Variants in TARDBP observed in about 807,000 individuals in gnomAD.
TARDBP encodes TAR DNA binding protein.
Under a neutral mutation model 38.3 loss-of-function variants are expected in TARDBP, and 4 were observed. That is an observed-to-expected ratio of 0.10 (90% CI 0.05 to 0.24). The LOEUF is 0.24. TARDBP is among the 10% of genes least tolerant of loss of function. The pLI is 1.00. For missense variants in TARDBP, 202 were observed against 521.9 expected (o/e 0.39, Z 5.97); for synonymous variants, 184 against 183.8 (o/e 1.00, Z -0.01).
At chr1:11,013,383 C>G (rs899188262) in intron 1 of TARDBP, among the ~76,000 whole-genome samples, 1 of 152,210 alleles carries the variant, frequency 6.6e-6, no homozygotes, top group Non-Finnish European at 1.5e-5. Flanking sequence ...ACCCGATTGT[C>G]ATAAAATAGC....
downstream of TARDBP, chr1:11,025,565 C>A: frequency 6.6e-6 from 1 of 150,982 alleles, no homozygotes; most frequent in African/African-American, 2.5e-5. Flanking sequence ...TGGAAAGTTA[C>A]CTTTAAAAAT....
chr1:11,027,342 A>G, downstream of TARDBP: 1 of 1,614,106 alleles, frequency 6.2e-7, no homozygotes. Flanking sequence ...CAATTTAATC[A>G]GTGCTATGTC....
At chr1:11,026,959 C>A, downstream of TARDBP, 2 of 1,549,284 alleles carry the variant, frequency 1.3e-6, no homozygotes, top group Non-Finnish European at 1.7e-6. Flanking sequence ...TACTGACCTG[C>A]TTCCCCACAA....
At chr1:11,021,623 G>C (rs1643640808) in intron 5 of TARDBP, among the ~76,000 whole-genome samples, 1 of 152,102 alleles carries the variant, frequency 6.6e-6, no homozygotes, top group Non-Finnish European at 1.5e-5. Context: ...GTCTCACTCT[G>C]TTGCCCAGGC....
intron 2 of TARDBP, 134 bp from the exon 3 acceptor site, chr1:11,016,710 C>T: frequency 1.1e-6 from 1 of 920,872 alleles, no homozygotes; most frequent in Admixed American, 2.5e-5. Flanking sequence ...GCAAACATCA[C>T]TTCTTGCCAA....
chr1:11,018,377 C>A (rs932181058), intron 3 of TARDBP: 3 of 301,586 alleles, frequency 9.9e-6, no homozygotes, highest in African/African-American at 6.5e-5. Context: ...TTTGTAGAGA[C>A]AGGGTTTTGC....
At chr1:11,021,282 G>A (rs149122823) in intron 5 of TARDBP, among the ~76,000 whole-genome samples, 176 of 152,196 alleles carry the variant, frequency 1.2e-3, no homozygotes, top group African/African-American at 4.1e-3. Context: ...GGGATTACAG[G>A]TGCCTGCCAC....
rs375089732 is a variant in TARDBP, at chr1:11,013,794, G to A, written c.67G>A (p.Asp23Asn). 1 of 1,613,784 alleles carries A rather than the reference G, an allele frequency of 6.2e-7. No homozygotes were observed. Among genetic ancestry groups the A allele is most frequent in the Non-Finnish European group, 8.5e-7 (1 of 1,179,836 alleles). The change falls in exon 2 of 6, where the codon GAT (aspartate) becomes AAT (asparagine). Residue 23 changes from aspartate (D) to asparagine (N), a missense_variant. Physicochemically the swap from Asp to Asn is conservative, Grantham distance 23. Around this residue, in one of 5 missense-constraint regions of TARDBP, gnomAD observed 0 missense variants for 22.4 expected, o/e 0.00. Coordinates refer to ENST00000240185, the MANE Select transcript of TARDBP (RefSeq NM_007375.4). ...GCCCATTGAAATACCATCGGAAGAC[G>A]ATGGGACGGTGCTGCTCTCCACGGT... Reference protein sequence around the residue: ...DEPIEIPSEDDGTVLLSTVTA... With the variant: ...DEPIEIPSEDNGTVLLSTVTA...
At position 11,018,757 on chromosome 1, in the gene TARDBP, C is replaced by A; in HGVS notation, c.427C>A (p.His143Asn). ...VQVKKDLKTG[H>N]SKGFGFVRFT... ...GGTCAAGAAAGATCTTAAGACTGGT[C>A]ATTCAAAGGGGTTTGGCTTTGTTCG... is the stretch of plus-strand genomic sequence containing the variant. Residue 143 changes from histidine to asparagine, a missense_variant, in exon 4 of 6, where the codon CAT (histidine) becomes AAT (asparagine). Physicochemically the swap from His to Asn is moderately conservative, Grantham distance 68. Around this residue, in one of 5 missense-constraint regions of TARDBP, gnomAD observed 71 missense variants for 185.4 expected, o/e 0.38. Coordinates refer to ENST00000240185, the MANE Select transcript of TARDBP (RefSeq NM_007375.4). The A allele has an allele frequency of 6.2e-7, 1 of 1,614,126 alleles. No individual in the cohort carries two copies. The highest frequency in any genetic ancestry group is 1.1e-5 in the South Asian group (1 of 91,066).
In TARDBP at chr1:11,022,068, T is replaced by C; in HGVS notation, c.715-56T>C. On this transcript the variant is annotated intron_variant, in intron 5 of 5. Coordinates refer to ENST00000240185, the MANE Select transcript of TARDBP (RefSeq NM_007375.4). This position sits in a 1 kb window ranked among gnomAD's most constrained non-coding sequence, Gnocchi z 4.5. ...TGTAATCTAAGTTTTGTTGCTACTT[T>C]AAATATATGAATCAGTGGTTTAATC... 1 of 1,602,120 alleles carries C rather than the reference T, an allele frequency of 6.2e-7. No homozygotes were observed. The highest frequency in any genetic ancestry group is 1.1e-5 in the South Asian group (1 of 90,290).
In TARDBP at chr1:11,023,028, C is replaced by T. The variant is rs879496793; in HGVS notation, c.*374C>T. 2.9e-5 allele frequency: 41 copies of T among 1,424,604 alleles called. No individual in the cohort carries two copies. The Admixed American group carries it at 1.1e-3, about 40-fold the overall frequency. The allele number at this position is 1,424,604 out of a possible 1,614,324, so 88.2% of individuals were successfully genotyped here. ...CATTGATTAGAACTACATTCTTTAC[C>T]CCTTGTTTTAATTTGAACCCCACCA... On this transcript the variant is annotated 3_prime_UTR_variant, in exon 6 of 6. Transcript: ENST00000240185.
At chr1:11,026,895 C>T (rs1557663745), downstream of TARDBP, 1 of 1,479,712 alleles carries the variant, frequency 6.8e-7, no homozygotes, top group Admixed American at 2.6e-5. Context: ...TTAAAAATCA[C>T]TAATTATGTT....
rs1229505204 is a variant in TARDBP at position 11,023,995 on chromosome 1, A to T, written c.*1341A>T. 2.6e-5 allele frequency: 4 copies of T among 152,632 alleles called. No homozygotes were observed. The highest frequency in any genetic ancestry group is 9.6e-5 in the African/African-American group (4 of 41,454). The allele number at this position is 152,632 out of a possible 1,614,324, so 9.5% of individuals were successfully genotyped here. On this transcript the variant is annotated 3_prime_UTR_variant, in exon 6 of 6. Coordinates refer to ENST00000240185, the MANE Select transcript of TARDBP (RefSeq NM_007375.4). Reference sequence around the variant, plus strand: ...TGTGTCCTGTGCTTGGATGCTTTTTATAAGAGTTGTCATTGTTGGAAATTC... The same window carrying T: ...TGTGTCCTGTGCTTGGATGCTTTTTTTAAGAGTTGTCATTGTTGGAAATTC...
Position 11,023,422 on chromosome 1 carries a change from C to A in TARDBP, c.*768C>A. 1 of 730,700 alleles carries A rather than the reference C, an allele frequency of 1.4e-6. No individual in the cohort carries two copies. Among genetic ancestry groups the A allele is most frequent in the South Asian group, 2.0e-5 (1 of 49,126 alleles). The allele number at this position is 730,700 out of a possible 1,614,324, so 45.3% of individuals were successfully genotyped here. ...CTGTGATATGGAACCAGAAGGCTGT[C>A]TGAACTTTTGAAACCTTGTGTGGGA... On this transcript the variant is annotated 3_prime_UTR_variant, in exon 6 of 6. Coordinates refer to ENST00000240185, the MANE Select transcript of TARDBP (RefSeq NM_007375.4).
Position 11,025,477 on chromosome 1 carries a change from T to C in TARDBP, c.*2823T>C, listed in dbSNP as rs961126665. On this transcript the variant is annotated 3_prime_UTR_variant, in exon 6 of 6. Transcript: ENST00000240185. The stretch of plus-strand genomic sequence containing the variant: ...TTTTTTGAACCAGATAAATAAAATT[T>C]TTTTTTGACACCACAGTTTAGTGTC... The C allele has an allele frequency of 1.4e-4, 22 of 152,216 alleles. No homozygotes were observed. Among genetic ancestry groups the C allele is most frequent in the African/African-American group, 4.3e-4 (18 of 41,464 alleles). 9.4% of individuals were successfully genotyped at this position (152,216 alleles called of 1,614,324 possible).
chr1:11,027,783 A>G (rs1293157567), downstream of TARDBP: 2 of 814,232 alleles, frequency 2.5e-6, no homozygotes, highest in South Asian at 1.9e-5. Flanking sequence ...GTGACTACCT[A>G]TACAGGCAAG....
chr1:11,021,026 C>T (rs1235493647), intron 5 of TARDBP, among the ~76,000 whole-genome samples: 1 of 152,112 alleles, frequency 6.6e-6, no homozygotes, highest in African/African-American at 2.4e-5. Context: ...GGTGTATGGG[C>T]CTAGATGTTT....
chr1:11,029,403 AAATAAT>A (rs1288092446), downstream of TARDBP, among the ~76,000 whole-genome samples: 1 of 151,490 alleles, frequency 6.6e-6, no homozygotes, highest in East Asian at 2.0e-4. Flanking sequence ...CCGTCTCAAA[AAATAAT>A]AATAATAATT....
At chr1:11,025,944 G>C (rs1189050305), downstream of TARDBP, 1 of 154,814 alleles carries the variant, frequency 6.5e-6, no homozygotes, top group Non-Finnish European at 1.5e-5. Flanking sequence ...GTTGTGTGAT[G>C]TGTGCTTTTG....
Sources: allele counts gnomAD v4.1 joint callset (sites outside exome capture counted in the v4.1 genomes callset), GRCh38; gene constraint gnomAD v4.1.1; regional missense constraint gnomAD v4.1.1; non-coding constraint Gnocchi (gnomAD v3.1); transcripts MANE v1.5; gene names NCBI Gene and HGNC (gene_info 2026-07-23, HGNC 2026-07-21).